The following F9 variants were observed in gnomAD, a reference collection of about 807,000 sequenced individuals.
F9 encodes the protein coagulation factor IX.
A neutral mutation model predicts 34.1 loss-of-function variants in F9; 2 were observed. The ratio of observed to expected loss-of-function variants is 0.06; its 90% CI spans 0.02 to 0.18. F9 has a LOEUF of 0.18. Among genes scored for constraint, F9 ranks in the 10% least tolerant of loss-of-function variants. The pLI, the probability that F9 is intolerant of heterozygous loss-of-function variation, is 1.00. For synonymous variants in F9, 137 were observed against 118.8 expected (o/e 1.15, Z -1.00); for missense variants, 216 against 345.1 (o/e 0.63, Z 2.96).
intron 6 of F9, among the ~76,000 whole-genome samples, chrX:139,557,077 T>C (rs1021292731): frequency 1.8e-5 from 2 of 112,042 alleles, no homozygotes; most frequent in Admixed American, 9.5e-5. Flanking sequence ...TGTAGAAGCA[T>C]GTGTGTTGTT....
intron 4 of F9, among the ~76,000 whole-genome samples, chrX:139,541,492 A>C (rs1927600895): frequency 8.9e-6 from 1 of 111,910 alleles, no homozygotes; most frequent in South Asian, 3.7e-4. Context: ...AGAAAACCGC[A>C]ACTCCAACGG....
rs754373101 is a variant in F9 at position 139,530,761 on chromosome X, G to T, written c.-4G>T. On this transcript the variant is annotated 5_prime_UTR_variant, in exon 1 of 8. It adds an upstream start codon to the 5' untranslated region. Coordinates refer to ENST00000218099, the MANE Select transcript of F9 (RefSeq NM_000133.4). ...ACCACTTTCACAATCTGCTAGCAAA[G>T]GTTATGCAGCGCGTGAACATGATCA... 2 of 1,207,993 alleles carry T rather than the reference G, an allele frequency of 1.7e-6. No homozygotes were observed. Among genetic ancestry groups the T allele is most frequent in the Non-Finnish European group, 1.1e-6 (1 of 892,016 alleles).
chrX:139,550,044 G>A (rs1927805773), intron 5 of F9, among the ~76,000 whole-genome samples: 2 of 111,213 alleles, frequency 1.8e-5, no homozygotes, highest in Middle Eastern at 9.2e-3. Context: ...TGGCATACTA[G>A]CTAAACCCTT....
intron 3 of F9, among the ~76,000 whole-genome samples, chrX:139,540,272 T>C (rs1927573011): frequency 8.9e-6 from 1 of 111,907 alleles, no homozygotes; most frequent in African/African-American, 3.2e-5. Context: ...TATTCCTTCC[T>C]CCTGTTTTCT....
At chrX:139,542,192 T>C (rs924487207) in intron 4 of F9, among the ~76,000 whole-genome samples, 6 of 112,039 alleles carry the variant, frequency 5.4e-5, no homozygotes, top group African/African-American at 1.9e-4. Context: ...AGGAAAAAAG[T>C]CACCTGTAAT....
At chrX:139,553,007 T>C (rs977659096) in intron 6 of F9, among the ~76,000 whole-genome samples, 7 of 112,423 alleles carry the variant, frequency 6.2e-5, no homozygotes, top group African/African-American at 1.9e-4. Context: ...ATTACACATA[T>C]ACCTGGGGAT....
intron 5 of F9, among the ~76,000 whole-genome samples, chrX:139,550,087 A>G (rs1927806701): frequency 8.9e-6 from 1 of 111,807 alleles, no homozygotes. Context: ...AGAGAAACAG[A>G]ATTGAGAACC....
At chrX:139,553,835 T>A (rs768047161) in intron 6 of F9, among the ~76,000 whole-genome samples, 85 of 43,420 alleles carry the variant, frequency 2.0e-3, no homozygotes, top group African/African-American at 2.8e-3. Context: ...AAAAAAAAAG[T>A]CCAAGATTAA....
chrX:139,546,357 T>C (rs1927717632), intron 4 of F9, among the ~76,000 whole-genome samples: 1 of 111,929 alleles, frequency 8.9e-6, no homozygotes, highest in African/African-American at 3.2e-5. Context: ...CCATGTCTGC[T>C]ATTCTAACAC....
chrX:139,545,082 G>A (rs1044182519), intron 4 of F9: 2 of 111,742 alleles, frequency 1.8e-5, no homozygotes, highest in Admixed American at 1.9e-4. Flanking sequence ...TCCACCCAGA[G>A]CTAATCACCA....
chrX:139,538,864 C>T (rs1478515569), intron 3 of F9, among the ~76,000 whole-genome samples: 2 of 110,940 alleles, frequency 1.8e-5, no homozygotes, highest in African/African-American at 3.3e-5. Context: ...CCTTTTGGGT[C>T]ACATAGGTAC....
intron 3 of F9, among the ~76,000 whole-genome samples, chrX:139,538,156 T>C (rs1263091444): frequency 8.9e-6 from 1 of 112,053 alleles, no homozygotes; most frequent in African/African-American, 3.2e-5. Context: ...ATCATTTATT[T>C]TCTCCTACTC....
chrX:139,561,787 G>A lies in F9; in HGVS notation c.1102G>A (p.Val368Ile). ...CTTCCACAAAGGGAGATCAGCTTTA[G>A]TTCTTCAGTACCTTAGAGTTCCACT... Reference protein sequence around the residue: ...RVFHKGRSALVLQYLRVPLVD... With the variant: ...RVFHKGRSALILQYLRVPLVD... The change falls in exon 8 of 8, where the codon GTT (valine) becomes ATT (isoleucine). Residue 368 changes from valine (V) to isoleucine (I), a missense_variant. Transcript: ENST00000218099. 8.3e-7 allele frequency: 1 copy of A among 1,211,915 alleles called. No homozygotes were observed. The highest frequency in any genetic ancestry group is 3.0e-5 in the East Asian group (1 of 33,831).
At chrX:139,557,606 A>G (rs976424392) in intron 6 of F9, among the ~76,000 whole-genome samples, 2 of 111,824 alleles carry the variant, frequency 1.8e-5, no homozygotes, top group African/African-American at 3.3e-5. Context: ...TTTCCCCCCA[A>G]TACACTAACC....
chrX:139,562,066 A>C lies in F9; in HGVS notation c.1381A>C (p.Thr461Pro), dbSNP rs4149751. ...VNWIKEKTKLT is the reference protein window; with the variant it reads ...VNWIKEKTKLP ...CTGGATTAAGGAAAAAACAAAGCTC[A>C]CTTAATGAAAGATGGATTTCCAAGG... The change falls in exon 8 of 8, where the codon ACT becomes CCT. Residue 461 changes from threonine to proline, a missense_variant. Thr to Pro is a conservative substitution (Grantham distance 38). Coordinates refer to ENST00000218099, the MANE Select transcript of F9 (RefSeq NM_000133.4). 335 of 1,207,222 alleles carry C rather than the reference A, an allele frequency of 2.8e-4. 3 individuals carry two copies. In the African/African-American group the frequency reaches 4.8e-3, roughly 17 times the overall value.
rs751614353 is a variant in F9 at position 139,537,406 on chromosome X, C to T, written c.277+20C>T. On this transcript the variant is annotated intron_variant, in intron 3 of 7. Coordinates refer to ENST00000218099, the MANE Select transcript of F9 (RefSeq NM_000133.4). ...ATGTTGGTAAGCAATTCATTTTATCCTCTAGCTAATATATGAAACATATGA... is the reference window on the plus strand; with the variant it reads ...ATGTTGGTAAGCAATTCATTTTATCTTCTAGCTAATATATGAAACATATGA... 8.7e-7 allele frequency: 1 copy of T among 1,143,402 alleles called. No individual in the cohort carries two copies. The highest frequency in any genetic ancestry group is 1.8e-5 in the African/African-American group (1 of 55,761). 94.2% of individuals were successfully genotyped at this position (1,143,402 alleles called of 1,213,427 possible). A position where few individuals can be genotyped will look rare whatever the true frequency, so the allele number is the denominator to read the frequency against.
intron 6 of F9, among the ~76,000 whole-genome samples, chrX:139,553,506 G>A (rs1927891041): frequency 9.0e-6 from 1 of 111,410 alleles, no homozygotes; most frequent in Non-Finnish European, 1.9e-5. Flanking sequence ...CCTTGGGTTT[G>A]TGGGACATAG....
intron 3 of F9, among the ~76,000 whole-genome samples, chrX:139,539,397 G>A (rs1243585818): frequency 8.9e-6 from 1 of 112,085 alleles, no homozygotes; most frequent in Non-Finnish European, 1.9e-5. Context: ...AAATCTAAAT[G>A]CAGTTATTCA....
chrX:139,537,760 C>G (rs438601), intron 3 of F9, among the ~76,000 whole-genome samples: 17,514 of 110,829 alleles, frequency 0.16, 1,267 homozygotes, highest in Middle Eastern at 0.23. Context: ...TCATGGCCCA[C>G]AAGCCCTTCC....
Sources: gnomAD v4.1 joint callset for allele counts (sites outside exome capture counted in the v4.1 genomes callset) on GRCh38, gnomAD v4.1.1 for gene constraint, MANE v1.5 for transcripts, NCBI Gene and HGNC (gene_info 2026-07-23, HGNC 2026-07-21) for gene names.